KCNQ5: variants seen among roughly 807,000 people sequenced by gnomAD.
KCNQ5 encodes the protein potassium voltage-gated channel subfamily KQT member 5.
KCNQ5 carries 30 observed loss-of-function variants against 98.2 expected under a neutral mutation model. The observed-to-expected ratio is 0.31, with a 90% CI of 0.23 to 0.41. The LOEUF is 0.41. Ranked by LOEUF, KCNQ5 falls within the 10% of genes least tolerant of loss-of-function variation. The probability of loss-of-function intolerance (pLI) is 1.00; values close to 1 mark genes in which losing one functional copy is unlikely to be tolerated. For missense variants in KCNQ5, 835 were observed against 1,182.5 expected (o/e 0.71, Z 4.31); for synonymous variants, 458 against 449.4 (o/e 1.02, Z -0.24).
At chr6:73,144,820 G>A (rs536854789) in intron 10 of KCNQ5, among the ~76,000 whole-genome samples, 1 of 152,278 alleles carries the variant, frequency 6.6e-6, no homozygotes, top group African/African-American at 2.4e-5. Context: ...AGGCTGGGCT[G>A]GTTCACATGG....
intron 3 of KCNQ5, among the ~76,000 whole-genome samples, chr6:73,068,096 T>C (rs997226713): frequency 4.6e-5 from 7 of 152,054 alleles, no homozygotes; most frequent in Non-Finnish European, 1.0e-4. Flanking sequence ...AGGAGTTCGA[T>C]ACCAGCTCGA....
chr6:73,063,331 G>A (rs919645182), intron 3 of KCNQ5, among the ~76,000 whole-genome samples: 3 of 152,212 alleles, frequency 2.0e-5, no homozygotes, highest in South Asian at 2.1e-4. Flanking sequence ...GTGTTTCACC[G>A]CCTGACCTGC....
At chr6:73,109,737 T>A (rs1426040724) in intron 6 of KCNQ5, among the ~76,000 whole-genome samples, 2 of 152,076 alleles carry the variant, frequency 1.3e-5, no homozygotes, top group African/African-American at 4.8e-5. Flanking sequence ...GAGATAGAGA[T>A]CTTAGACAGC....
chr6:72,996,073 T>G (rs1220004701), intron 1 of KCNQ5, among the ~76,000 whole-genome samples: 1 of 152,236 alleles, frequency 6.6e-6, no homozygotes, highest in Non-Finnish European at 1.5e-5. Flanking sequence ...AAAGCCCTGA[T>G]GAGGACACAG....
chr6:73,005,752 A>G (rs1056426222), intron 2 of KCNQ5, among the ~76,000 whole-genome samples: 2 of 152,220 alleles, frequency 1.3e-5, no homozygotes, highest in Non-Finnish European at 2.9e-5. Context: ...GAGTTCCTCT[A>G]TGCAGATGAG....
At chr6:73,131,539 A>G (rs1776238603) in intron 9 of KCNQ5, among the ~76,000 whole-genome samples, 1 of 152,146 alleles carries the variant, frequency 6.6e-6, no homozygotes, top group Admixed American at 6.5e-5. Flanking sequence ...GATCATTGTA[A>G]ATTTAAATTA....
intron 1 of KCNQ5, among the ~76,000 whole-genome samples, chr6:72,895,201 A>AT (rs1779201634): frequency 6.6e-6 from 1 of 150,598 alleles, no homozygotes; most frequent in Non-Finnish European, 1.5e-5. Context: ...AGGCAGGAGA[A>AT]TGGCGTGAAC....
intron 3 of KCNQ5, among the ~76,000 whole-genome samples, chr6:73,050,785 T>C (rs1357688560): frequency 1.3e-5 from 2 of 152,202 alleles, no homozygotes; most frequent in Non-Finnish European, 2.9e-5. Context: ...ATCTGTTCTG[T>C]TTCACTGTAA....
intron 1 of KCNQ5, among the ~76,000 whole-genome samples, chr6:72,868,106 A>G (rs1778065387): frequency 6.6e-6 from 1 of 152,050 alleles, no homozygotes; most frequent in Non-Finnish European, 1.5e-5. Flanking sequence ...ACTTCATGGG[A>G]GTCCTCCACC....
chr6:73,056,936 T>G (rs1772530509), intron 3 of KCNQ5, among the ~76,000 whole-genome samples: 3 of 152,126 alleles, frequency 2.0e-5, no homozygotes, highest in South Asian at 2.1e-4. Context: ...CTTAAGGATC[T>G]AGAACTAGAA....
At chr6:72,767,247 G>A (rs1772620264) in intron 1 of KCNQ5, among the ~76,000 whole-genome samples, 1 of 152,080 alleles carries the variant, frequency 6.6e-6, no homozygotes, top group South Asian at 2.1e-4. Flanking sequence ...AATCAAGAGT[G>A]AAATCAGTTA....
chr6:72,880,398 C>T (rs1458445911), intron 1 of KCNQ5, among the ~76,000 whole-genome samples: 2 of 152,154 alleles, frequency 1.3e-5, no homozygotes, highest in Non-Finnish European at 2.9e-5. Flanking sequence ...TATAAGAGCA[C>T]TAGTCCCATT....
At position 72,958,312 on chromosome 6, in the gene KCNQ5, T is replaced by C. The variant is rs146177220; in HGVS notation, c.399-45596T>C. On this transcript the variant is annotated intron_variant, in intron 1 of 13. Coordinates refer to ENST00000370398, the MANE Select transcript of KCNQ5 (RefSeq NM_019842.4). ...TTGATTTGATAGGGATTGTTTCACA[T>C]AACCTCTTTATAACATATAGTTAGT... 1.2e-4 allele frequency among the ~76,000 whole-genome samples: 18 copies of C among 152,352 alleles called. No individual in the cohort carries two copies. In the East Asian group the frequency reaches 3.1e-3, roughly 26 times the overall value.
Position 72,622,178 on chromosome 6 carries a change from C to A in KCNQ5, c.-12C>A. 8.2e-7 allele frequency: 1 copy of A among 1,220,476 alleles called. No homozygotes were observed. The highest frequency in any genetic ancestry group is 1.6e-5 in the African/African-American group (1 of 63,934). The allele number at this position is 1,220,476 out of a possible 1,614,324, so 75.6% of individuals were successfully genotyped here. A position where few individuals can be genotyped will look rare whatever the true frequency, so the allele number is the denominator to read the frequency against. The stretch of plus-strand genomic sequence containing the variant: ...GCGCTGGCGGCCCCCTCGCGGTGCC[C>A]GTGGTGATGCCATGCCCCGCCACCA... On this transcript the variant is annotated 5_prime_UTR_variant, in exon 1 of 14. Coordinates refer to ENST00000370398, the MANE Select transcript of KCNQ5 (RefSeq NM_019842.4). This position sits in a 1 kb window ranked among gnomAD's most constrained non-coding sequence, Gnocchi z 6.0.
intron 1 of KCNQ5, among the ~76,000 whole-genome samples, chr6:72,728,491 C>G (rs1052537756): frequency 6.6e-6 from 1 of 152,084 alleles, no homozygotes; most frequent in Non-Finnish European, 1.5e-5. Flanking sequence ...ACTTTTTGAA[C>G]AGAATATTCA....
At chr6:72,939,688 G>C (rs1317538) in intron 1 of KCNQ5, among the ~76,000 whole-genome samples, 2 of 151,908 alleles carry the variant, frequency 1.3e-5, no homozygotes, top group Non-Finnish European at 2.9e-5. Flanking sequence ...ACACATACTT[G>C]TCAGGCCTTA....
chr6:72,721,354 T>G (rs1454668546), intron 1 of KCNQ5, among the ~76,000 whole-genome samples: 1 of 152,174 alleles, frequency 6.6e-6, no homozygotes, highest in Admixed American at 6.5e-5. Flanking sequence ...TTGTGATAAA[T>G]CTTACAAACA....
At chr6:72,695,396 G>A (rs1340945940) in intron 1 of KCNQ5, among the ~76,000 whole-genome samples, 9 of 151,874 alleles carry the variant, frequency 5.9e-5, no homozygotes, top group East Asian at 3.9e-4. Flanking sequence ...AAATATTCCC[G>A]TACTTTCCTC....
chr6:73,172,277 C>T (rs1281440381), intron 11 of KCNQ5, among the ~76,000 whole-genome samples: 1 of 152,068 alleles, frequency 6.6e-6, no homozygotes, highest in East Asian at 1.9e-4. Flanking sequence ...CAGATTGTGT[C>T]GCTTGAACCC....
Sources: allele counts gnomAD v4.1 joint callset (sites outside exome capture counted in the v4.1 genomes callset), GRCh38; gene constraint gnomAD v4.1.1; non-coding constraint Gnocchi (gnomAD v3.1); transcripts MANE v1.5; gene names NCBI Gene and HGNC (gene_info 2026-07-23, HGNC 2026-07-21).